The following SMOC2 variants were observed in gnomAD, a reference collection of about 807,000 sequenced individuals.
SMOC2 encodes SPARC related modular calcium binding 2.
SMOC2 carries 39 observed loss-of-function variants against 61.4 expected under a neutral mutation model. The observed-to-expected ratio is 0.64, with a 90% confidence interval of 0.49 to 0.83. The LOEUF (loss-of-function observed/expected upper bound fraction) is 0.83, where lower values mean the gene tolerates loss of function less well. Ranked by LOEUF, SMOC2 falls within the 40% of genes least tolerant of loss-of-function variation. SMOC2 has a pLI of 0.00. For synonymous variants in SMOC2, 247 were observed against 239.9 expected (o/e 1.03, Z -0.27); for missense variants, 556 against 592.9 (o/e 0.94, Z 0.65).
At chr6:168,514,805 G>T (rs1302997356) in intron 2 of SMOC2, among the ~76,000 whole-genome samples, 1 of 152,148 alleles carries the variant, frequency 6.6e-6, no homozygotes, top group Admixed American at 6.6e-5. Flanking sequence ...TTGAAAGGCC[G>T]CGAAGAAGCT....
rs1402637699 is a variant in SMOC2 at position 168,558,687 on chromosome 6, G to C, written c.637+9484G>C. Among the ~76,000 whole-genome samples, 2 of 152,204 alleles carry C rather than the reference G, an allele frequency of 1.3e-5. 1 individual carries two copies. The highest frequency in any genetic ancestry group is 4.1e-4 in the South Asian group (2 of 4,826). ...GAATTAACTTCCAGGTGTGCACATC[G>C]AGCTTGGTACTGGACTCGGCAAATA... On this transcript the variant is annotated intron_variant, in intron 7 of 12. Transcript: ENST00000356284.
chr6:168,452,815 G>T lies in SMOC2; in HGVS notation c.84+11361G>T, dbSNP rs1285755593. Among the ~76,000 whole-genome samples, 2 of 152,174 alleles carry T rather than the reference G, an allele frequency of 1.3e-5. No homozygotes were observed. The highest frequency in any genetic ancestry group is 6.5e-5 in the Admixed American group (1 of 15,284). On this transcript the variant is annotated intron_variant, in intron 1 of 12. Transcript: ENST00000356284. This position sits in a 1 kb window ranked among gnomAD's most constrained non-coding sequence, Gnocchi z 5.0. Reference sequence around the variant, plus strand: ...TGTCTGGCCAACTTTATTCTAGAAGGCAGCAGGAAGGAGGGCAGCCCGCCA... The same window carrying T: ...TGTCTGGCCAACTTTATTCTAGAAGTCAGCAGGAAGGAGGGCAGCCCGCCA...
intron 9 of SMOC2, among the ~76,000 whole-genome samples, chr6:168,636,047 G>A (rs1786708975): frequency 6.6e-6 from 1 of 152,106 alleles, no homozygotes; most frequent in Non-Finnish European, 1.5e-5. Context: ...TGGCAATGAA[G>A]GAGGAATAGC....
At chr6:168,473,403 C>T (rs144697964) in intron 1 of SMOC2, among the ~76,000 whole-genome samples, 1 of 152,174 alleles carries the variant, frequency 6.6e-6, no homozygotes, top group Non-Finnish European at 1.5e-5. Flanking sequence ...CCGCCCTTAC[C>T]TGCCACCTGT....
Position 168,495,213 on chromosome 6 carries a change from G to A in SMOC2, c.85-14702G>A, listed in dbSNP as rs529879081. On this transcript the variant is annotated intron_variant, in intron 1 of 12. Transcript: ENST00000356284. ...GTCTTGCTCTGAGTGAGTCACAAAGGAGGGACCTCCGGCCAAGGGAAAGGC... is the reference window on the plus strand; with the variant it reads ...GTCTTGCTCTGAGTGAGTCACAAAGAAGGGACCTCCGGCCAAGGGAAAGGC... 1.4e-4 allele frequency among the ~76,000 whole-genome samples: 21 copies of A among 152,322 alleles called. No individual in the cohort carries two copies. The South Asian group carries it at 4.3e-3, about 32-fold the overall frequency.
chr6:168,552,644 T>C (rs1784154112), intron 7 of SMOC2, among the ~76,000 whole-genome samples: 2 of 152,212 alleles, frequency 1.3e-5, no homozygotes, highest in African/African-American at 4.8e-5. Flanking sequence ...ATAATGATAG[T>C]AGTCTTTTAA....
At chr6:168,500,241 C>G in intron 1 of SMOC2, among the ~76,000 whole-genome samples, 1 of 144,734 alleles carries the variant, frequency 6.9e-6, no homozygotes, top group African/African-American at 2.6e-5. Flanking sequence ...GAGCCCAGAT[C>G]GCCCCACTGC....
intron 9 of SMOC2, among the ~76,000 whole-genome samples, chr6:168,630,312 A>G (rs1291509147): frequency 2.6e-5 from 4 of 152,198 alleles, no homozygotes; most frequent in African/African-American, 4.8e-5. Flanking sequence ...GATTTTATGG[A>G]CATTTGTTAG....
intron 1 of SMOC2, among the ~76,000 whole-genome samples, chr6:168,485,235 G>C (rs1349471933): frequency 6.6e-6 from 1 of 152,140 alleles, no homozygotes; most frequent in Non-Finnish European, 1.5e-5. Flanking sequence ...AGTTTGGAGA[G>C]AAATGTAAAA....
intron 1 of SMOC2, among the ~76,000 whole-genome samples, chr6:168,476,584 T>C (rs535379802): frequency 6.6e-6 from 1 of 152,160 alleles, no homozygotes; most frequent in South Asian, 2.1e-4. Context: ...ACAGATATTT[T>C]CTATGGTTTT....
At chr6:168,546,092 C>T (rs1206374018) in intron 5 of SMOC2, among the ~76,000 whole-genome samples, 1 of 151,618 alleles carries the variant, frequency 6.6e-6, no homozygotes, top group Non-Finnish European at 1.5e-5. Flanking sequence ...TTTGATTTTC[C>T]CCCTAAAAAG....
At chr6:168,581,411 G>C (rs545033184) in intron 7 of SMOC2, among the ~76,000 whole-genome samples, 1 of 152,190 alleles carries the variant, frequency 6.6e-6, no homozygotes, top group Non-Finnish European at 1.5e-5. Flanking sequence ...GAGGACGAAG[G>C]AGCTTCGCCC....
chr6:168,599,750 A>C (rs1785484344), intron 8 of SMOC2, among the ~76,000 whole-genome samples: 1 of 116,242 alleles, frequency 8.6e-6, no homozygotes, highest in African/African-American at 3.5e-5. Flanking sequence ...TCATACCCAC[A>C]CTCATACAAT....
intron 2 of SMOC2, among the ~76,000 whole-genome samples, chr6:168,521,926 T>C (rs913346164): frequency 6.6e-6 from 1 of 152,210 alleles, no homozygotes; most frequent in Non-Finnish European, 1.5e-5. Context: ...GATGAGTTCT[T>C]TCTTTATAAA....
intron 1 of SMOC2, among the ~76,000 whole-genome samples, chr6:168,451,175 C>G (rs570103777): frequency 6.6e-6 from 1 of 152,268 alleles, no homozygotes; most frequent in East Asian, 1.9e-4. Flanking sequence ...CTCCCTCCCT[C>G]GGGTCGCCCC....
intron 2 of SMOC2, among the ~76,000 whole-genome samples, chr6:168,517,260 G>A (rs190429486): frequency 1.3e-5 from 2 of 152,328 alleles, no homozygotes; most frequent in Non-Finnish European, 2.9e-5. Context: ...GCTGGGGTGG[G>A]GTGGGGACCA....
chr6:168,458,172 G>T (rs1781632078), intron 1 of SMOC2, among the ~76,000 whole-genome samples: 1 of 152,186 alleles, frequency 6.6e-6, no homozygotes, highest in Non-Finnish European at 1.5e-5. Flanking sequence ...TTCCCCTGGG[G>T]CCATCAACGT....
At chr6:168,545,465 C>T (rs767023341) in intron 5 of SMOC2, among the ~76,000 whole-genome samples, 2 of 152,156 alleles carry the variant, frequency 1.3e-5, no homozygotes, top group African/African-American at 4.8e-5. Flanking sequence ...GTTTTATTTC[C>T]TTAAGGCTGA....
intron 7 of SMOC2, among the ~76,000 whole-genome samples, chr6:168,566,465 A>G (rs1247787722): frequency 6.9e-6 from 1 of 145,318 alleles, no homozygotes; most frequent in Non-Finnish European, 1.5e-5. Context: ...TTTATTATGG[A>G]TATTGTAGCA....
Sources: allele counts gnomAD v4.1 joint callset (sites outside exome capture counted in the v4.1 genomes callset), GRCh38; gene constraint gnomAD v4.1.1; non-coding constraint Gnocchi (gnomAD v3.1); transcripts MANE v1.5; gene names NCBI Gene and HGNC (gene_info 2026-07-23, HGNC 2026-07-21).